The following HACD2 variants were observed in gnomAD, a reference collection of about 807,000 sequenced individuals.
The protein encoded by HACD2 is 3-hydroxyacyl-CoA dehydratase 2.
Under a neutral mutation model 31.0 loss-of-function variants are expected in HACD2, and 15 were observed. The ratio of observed to expected loss-of-function variants is 0.48; its 90% CI spans 0.32 to 0.75. The LOEUF (loss-of-function observed/expected upper bound fraction) is 0.75, where lower values mean the gene tolerates loss of function less well. HACD2 is among the 30% of genes least tolerant of loss of function. The pLI is 0.03. For missense variants in HACD2, 283 were observed against 313.0 expected (o/e 0.90, Z 0.72); for synonymous variants, 115 against 122.2 (o/e 0.94, Z 0.39).
chr3:123,514,832 T>C (rs982926313), intron 4 of HACD2, among the ~76,000 whole-genome samples: 1 of 152,244 alleles, frequency 6.6e-6, no homozygotes, highest in Non-Finnish European at 1.5e-5. Flanking sequence ...GCAGGGCTAA[T>C]TATTCCTTAA....
chr3:123,552,581 A>G (rs146194970), intron 3 of HACD2, among the ~76,000 whole-genome samples: 5 of 152,360 alleles, frequency 3.3e-5, no homozygotes, highest in East Asian at 1.9e-4. Flanking sequence ...AAATAGAAAA[A>G]GAAGATCAAA....
intron 3 of HACD2, among the ~76,000 whole-genome samples, chr3:123,529,753 T>C (rs1399930691): frequency 6.6e-6 from 1 of 152,036 alleles, no homozygotes; most frequent in East Asian, 1.9e-4. Context: ...AGTAAATAAA[T>C]ACATAAATAA....
intron 4 of HACD2, among the ~76,000 whole-genome samples, chr3:123,503,545 G>A (rs1163738427): frequency 1.3e-5 from 2 of 151,986 alleles, no homozygotes; most frequent in African/African-American, 4.8e-5. Context: ...GAGCCCCTAG[G>A]TGATTTTTAG....
intron 4 of HACD2, among the ~76,000 whole-genome samples, chr3:123,509,503 T>G (rs2056023596): frequency 1.4e-3 from 1 of 702 alleles, no homozygotes; most frequent in Non-Finnish European, 7.6e-3. Flanking sequence ...CTGTGACTTC[T>G]TTTTTTTTTT....
chr3:123,574,925 G>A (rs545220900), intron 2 of HACD2, among the ~76,000 whole-genome samples: 1 of 152,194 alleles, frequency 6.6e-6, no homozygotes, highest in East Asian at 1.9e-4. Context: ...ACTCTGGAGT[G>A]ATACAAAATT....
At chr3:123,502,452 C>T (rs2055914086) in intron 5 of HACD2, 108 bp downstream of exon 5, 4 of 1,166,360 alleles carry the variant, frequency 3.4e-6, no homozygotes, top group African/African-American at 1.5e-5. Flanking sequence ...TCTACCCAAC[C>T]CGTCTCAATT....
chr3:123,584,829 C>T, intron 1 of HACD2, 44 bp downstream of exon 1: 1 of 1,433,184 alleles, frequency 7.0e-7, no homozygotes, highest in Non-Finnish European at 9.2e-7. Context: ...AGGGCTCCCT[C>T]CCCGGCCGCG....
At position 123,535,670 on chromosome 3, in the gene HACD2, G is replaced by T. The variant is rs116103050; in HGVS notation, c.293-7196C>A. 9.1e-3 allele frequency among the ~76,000 whole-genome samples: 1,391 copies of T among 152,290 alleles called. 19 individuals are homozygous for T. Among genetic ancestry groups the T allele is most frequent in the African/African-American group, 0.028 (1,178 of 41,552 alleles). On this transcript the variant is annotated intron_variant, in intron 3 of 6. Coordinates refer to ENST00000383657, the MANE Select transcript of HACD2 (RefSeq NM_198402.5). ...CAGAACTGGAGGCTGAACAGCAATG[G>T]TGAAGTGGGGGAAGTGACTAACTAG...
At chr3:123,565,617 T>A (rs940273173) in intron 3 of HACD2, among the ~76,000 whole-genome samples, 4 of 152,188 alleles carry the variant, frequency 2.6e-5, no homozygotes, top group African/African-American at 7.2e-5. Flanking sequence ...ACCCAATTTA[T>A]GGTATTTTGT....
At chr3:123,566,590 G>A (rs2056795075) in intron 3 of HACD2, among the ~76,000 whole-genome samples, 1 of 147,948 alleles carries the variant, frequency 6.8e-6, no homozygotes, top group Admixed American at 6.7e-5. Flanking sequence ...GGCCCAAGGT[G>A]CAATTCTTTA....
rs1046155906 is a variant in HACD2 at position 123,584,950 on chromosome 3, G to T, written c.78C>A (p.Ser26Arg). 1.3e-6 allele frequency: 2 copies of T among 1,527,972 alleles called. No individual in the cohort carries two copies. The highest frequency in any genetic ancestry group is 2.9e-5 in the African/African-American group (2 of 69,928). The allele number at this position is 1,527,972 out of a possible 1,614,324, so 94.7% of individuals were successfully genotyped here. The change falls in exon 1 of 7, where the codon AGC (serine) becomes AGA (arginine). Residue 26 changes from serine to arginine, a missense_variant. This residue lies in a region of HACD2 where 158 missense variants were observed against 148.3 expected (regional missense o/e 1.07). Transcript: ENST00000383657. ...CCGGGCCCTTCTTCTTCCGCGTGCC[G>T]CTGGCGTCCCCGGCCCCGGCCCTGC... ...GGGRAGAGDASGTRKKKGPGP... is the reference protein window; with the variant it reads ...GGGRAGAGDARGTRKKKGPGP...
intron 4 of HACD2, among the ~76,000 whole-genome samples, chr3:123,525,951 C>T (rs1273275953): frequency 6.6e-6 from 1 of 152,278 alleles, no homozygotes; most frequent in East Asian, 1.9e-4. Context: ...TGATGTTATA[C>T]AGAACAAATT....
At chr3:123,550,589 C>T (rs933102571) in intron 3 of HACD2, among the ~76,000 whole-genome samples, 1 of 152,182 alleles carries the variant, frequency 6.6e-6, no homozygotes, top group African/African-American at 2.4e-5. Context: ...CAAAGGCTGA[C>T]ACCCCAGGTT....
At chr3:123,575,653 T>G (rs2056900568) in intron 2 of HACD2, among the ~76,000 whole-genome samples, 1 of 152,250 alleles carries the variant, frequency 6.6e-6, no homozygotes, top group African/African-American at 2.4e-5. Context: ...CAAAGTTCCA[T>G]TAGCTTTTCT....
chr3:123,537,737 G>A (rs1481020532), intron 3 of HACD2, among the ~76,000 whole-genome samples: 3 of 151,924 alleles, frequency 2.0e-5, no homozygotes, highest in Non-Finnish European at 4.4e-5. Flanking sequence ...TACATGTGAA[G>A]AGAATGCTCT....
At chr3:123,558,330 GTATAA>G (rs1393509788) in intron 3 of HACD2, among the ~76,000 whole-genome samples, 3 of 152,134 alleles carry the variant, frequency 2.0e-5, no homozygotes, top group African/African-American at 7.2e-5. Context: ...CTGTATGACA[GTATAA>G]TATTAGATAT....
intron 2 of HACD2, among the ~76,000 whole-genome samples, chr3:123,574,833 T>C (rs1356689393): frequency 6.6e-6 from 1 of 152,196 alleles, no homozygotes; most frequent in Non-Finnish European, 1.5e-5. Flanking sequence ...GTATCTGCAA[T>C]TGTGCTTTTA....
chr3:123,525,626 A>C (rs773893162), intron 4 of HACD2, among the ~76,000 whole-genome samples: 9 of 152,242 alleles, frequency 5.9e-5, no homozygotes, highest in Non-Finnish European at 1.3e-4. Flanking sequence ...GGAGATGAGC[A>C]AAGGAAACAC....
intron 3 of HACD2, among the ~76,000 whole-genome samples, chr3:123,566,330 G>A (rs993432519): frequency 1.3e-5 from 2 of 151,830 alleles, no homozygotes; most frequent in South Asian, 4.2e-4. Flanking sequence ...CGTTTCCCAG[G>A]CTAAAATGCA....
Sources: gnomAD v4.1 joint callset for allele counts (sites outside exome capture counted in the v4.1 genomes callset) on GRCh38, gnomAD v4.1.1 for gene constraint, gnomAD v4.1.1 regional missense constraint, MANE v1.5 for transcripts, NCBI Gene and HGNC (gene_info 2026-07-23, HGNC 2026-07-21) for gene names.